Variants in ELAVL2 observed in about 807,000 individuals in gnomAD.
ELAVL2 encodes ELAV like RNA binding protein 2.
Under a neutral mutation model 34.6 loss-of-function variants are expected in ELAVL2, and 4 were observed. The ratio of observed to expected loss-of-function variants is 0.12; its 90% CI spans 0.06 to 0.26. The LOEUF (loss-of-function observed/expected upper bound fraction) is 0.26. Among genes scored for constraint, ELAVL2 ranks in the 10% least tolerant of loss-of-function variants. The pLI, the probability that ELAVL2 is intolerant of heterozygous loss-of-function variation, is 1.00. For missense variants in ELAVL2, 432 were observed against 442.8 expected (o/e 0.98, Z 0.22); for synonymous variants, 193 against 154.8 (o/e 1.25, Z -1.83).
chr9:23,806,621 A>T (rs966596328), intron 1 of ELAVL2, among the ~76,000 whole-genome samples: 3 of 147,650 alleles, frequency 2.0e-5, no homozygotes, highest in East Asian at 2.0e-4. Context: ...TAAATCTCTT[A>T]AAAAAAAAAA....
chr9:23,777,205 A>G (rs775197236), intron 1 of ELAVL2, among the ~76,000 whole-genome samples: 20 of 152,190 alleles, frequency 1.3e-4, no homozygotes, highest in Non-Finnish European at 2.4e-4. Flanking sequence ...TTTCAGATCG[A>G]GCTAAAAAGA....
At chr9:23,746,083 A>G (rs1359369059) in intron 2 of ELAVL2, among the ~76,000 whole-genome samples, 1 of 152,110 alleles carries the variant, frequency 6.6e-6, no homozygotes, top group African/African-American at 2.4e-5. Flanking sequence ...TTAAATTCAA[A>G]CTTTGCTTTC....
At chr9:23,839,771 T>C in the ELAVL2 span, among the ~76,000 whole-genome samples, 1 of 152,154 alleles carries the variant, frequency 6.6e-6, no homozygotes, top group Non-Finnish European at 1.5e-5. Flanking sequence ...TAGAAAGTCA[T>C]CTGTGACCTT....
the ELAVL2 span, among the ~76,000 whole-genome samples, chr9:23,834,155 G>T: frequency 6.6e-6 from 1 of 151,806 alleles, no homozygotes; most frequent in Middle Eastern, 3.2e-3. Flanking sequence ...AAACTTGAGG[G>T]GTTTAAATAA....
chr9:23,765,594 T>C (rs1189717692), intron 1 of ELAVL2, among the ~76,000 whole-genome samples: 1 of 152,156 alleles, frequency 6.6e-6, no homozygotes, highest in Non-Finnish European at 1.5e-5. Context: ...TGTTACATTA[T>C]ACTATAAATG....
At chr9:23,818,608 C>CT (rs1384958827) in intron 1 of ELAVL2, among the ~76,000 whole-genome samples, 1 of 152,194 alleles carries the variant, frequency 6.6e-6, no homozygotes, top group Non-Finnish European at 1.5e-5. Context: ...GGCACACCAT[C>CT]TAGCCCCCTT....
chr9:23,768,781 G>C (rs758021824), intron 1 of ELAVL2, among the ~76,000 whole-genome samples: 12 of 152,096 alleles, frequency 7.9e-5, no homozygotes, highest in Non-Finnish European at 1.8e-4. Flanking sequence ...GTGGAATTTG[G>C]GTCCAACTTC....
chr9:23,695,788 T>C (rs1392831623), intron 5 of ELAVL2, among the ~76,000 whole-genome samples: 1 of 152,180 alleles, frequency 6.6e-6, no homozygotes, highest in Non-Finnish European at 1.5e-5. Context: ...ATGATATCAC[T>C]AGACAATAGG....
intron 1 of ELAVL2, among the ~76,000 whole-genome samples, chr9:23,815,359 T>G (rs533352465): frequency 2.0e-5 from 3 of 152,316 alleles, no homozygotes; most frequent in African/African-American, 4.8e-5. Context: ...GGTATAAATA[T>G]GTCTATTTCC....
intron 1 of ELAVL2, among the ~76,000 whole-genome samples, chr9:23,775,146 A>C (rs766090281): frequency 6.6e-6 from 1 of 152,246 alleles, no homozygotes; most frequent in Non-Finnish European, 1.5e-5. Context: ...TGGAGAATCC[A>C]ACGAATCCTA....
intron 1 of ELAVL2, among the ~76,000 whole-genome samples, chr9:23,782,865 C>G (rs2059243655): frequency 6.6e-6 from 1 of 152,040 alleles, no homozygotes; most frequent in African/African-American, 2.4e-5. Context: ...GGATGGAGAC[C>G]CCGGGGCACA....
intron 2 of ELAVL2, among the ~76,000 whole-genome samples, chr9:23,758,432 G>C (rs2054100339): frequency 6.6e-6 from 1 of 152,058 alleles, no homozygotes; most frequent in Non-Finnish European, 1.5e-5. Context: ...AGTTAAATGA[G>C]TGAGATCCTT....
intron 4 of ELAVL2, among the ~76,000 whole-genome samples, chr9:23,703,414 TATGA>T (rs1177849001): frequency 6.6e-6 from 1 of 152,224 alleles, no homozygotes; most frequent in African/African-American, 2.4e-5. Context: ...GTATAAGTAT[TATGA>T]ATTAACTAAC....
At chr9:23,766,619 T>C (rs2056312403) in intron 1 of ELAVL2, among the ~76,000 whole-genome samples, 1 of 152,054 alleles carries the variant, frequency 6.6e-6, no homozygotes, top group East Asian at 1.9e-4. Flanking sequence ...ACCAACTAGA[T>C]AGGAAGGCTG....
intron 3 of ELAVL2, among the ~76,000 whole-genome samples, chr9:23,719,281 C>T (rs1052691088): frequency 1.3e-5 from 2 of 152,166 alleles, no homozygotes; most frequent in Non-Finnish European, 2.9e-5. Context: ...TGTAATTAAA[C>T]CGCCAAATAG....
At chr9:23,706,422 C>G (rs544277223) in intron 3 of ELAVL2, among the ~76,000 whole-genome samples, 1 of 152,176 alleles carries the variant, frequency 6.6e-6, no homozygotes, top group Non-Finnish European at 1.5e-5. Flanking sequence ...AGATCCACAA[C>G]GGCTTACTGA....
At chr9:23,828,839 TA>T (rs2065410877), upstream of ELAVL2, among the ~76,000 whole-genome samples, 1 of 152,174 alleles carries the variant, frequency 6.6e-6, no homozygotes, top group Non-Finnish European at 1.5e-5. Context: ...TTTCAACTTT[TA>T]AAAATAAAAA....
At chr9:23,696,242 T>C (rs1405500269) in intron 5 of ELAVL2, among the ~76,000 whole-genome samples, 2 of 151,858 alleles carry the variant, frequency 1.3e-5, no homozygotes, top group Non-Finnish European at 2.9e-5. Flanking sequence ...CAGAAGTATT[T>C]CCTAGCTTTC....
At chr9:23,836,370 AGAT>A in the ELAVL2 span, among the ~76,000 whole-genome samples, 1 of 152,198 alleles carries the variant, frequency 6.6e-6, no homozygotes, top group Non-Finnish European at 1.5e-5. Context: ...TTTTTCCTGT[AGAT>A]GATATTTCTA....
Sources: gnomAD v4.1 joint callset for allele counts (sites outside exome capture counted in the v4.1 genomes callset) on GRCh38, gnomAD v4.1.1 for gene constraint, MANE v1.5 for transcripts, NCBI Gene and HGNC (gene_info 2026-07-23, HGNC 2026-07-21) for gene names.